The following CNTNAP3B variants were observed in gnomAD, a reference collection of about 807,000 sequenced individuals.
CNTNAP3B encodes the protein contactin-associated protein-like 3B.
In CNTNAP3B, 25 loss-of-function variants were observed where a neutral mutation model predicts 108.9. The observed-to-expected ratio is 0.23, with a 90% CI of 0.17 to 0.32. The LOEUF (loss-of-function observed/expected upper bound fraction) is 0.32. Ranked by LOEUF, CNTNAP3B falls within the 10% of genes least tolerant of loss-of-function variation. The probability of loss-of-function intolerance (pLI) is 1.00; values close to 1 mark genes in which losing one functional copy is unlikely to be tolerated. For synonymous variants in CNTNAP3B, 103 were observed against 473.4 expected (o/e 0.22, Z 10.16); for missense variants, 252 against 1,210.4 (o/e 0.21, Z 11.75).
rs1162979919 is a variant in CNTNAP3B, at chr9:41,934,727, G to A, written c.2237+3517C>T. The stretch of plus-strand genomic sequence containing the variant: ...CTATTCTTTTAGTTTCAACTTCACC[G>A]AGTGCTTATATTTTATCTTTTGTAA... On this transcript the variant is annotated intron_variant, in intron 14 of 23. Transcript: ENST00000377561. 1.1e-4 allele frequency among the ~76,000 whole-genome samples: 17 copies of A among 152,362 alleles called. No homozygotes were observed. The South Asian group carries it at 1.9e-3, about 17-fold the overall frequency.
In CNTNAP3B at chr9:41,991,256, A is replaced by G. The variant is rs972114126; in HGVS notation, c.1333+354T>C. 1.7e-4 allele frequency among the ~76,000 whole-genome samples: 15 copies of G among 90,220 alleles called. 4 individuals are homozygous for G. Among genetic ancestry groups the G allele is most frequent in the African/African-American group, 5.2e-4 (12 of 23,070 alleles). 59.2% of individuals were successfully genotyped at this position (90,220 alleles called of 152,430 possible). A position where few individuals can be genotyped will look rare whatever the true frequency, so the allele number is the denominator to read the frequency against. On this transcript the variant is annotated intron_variant, in intron 8 of 23. Coordinates refer to ENST00000377561, the MANE Select transcript of CNTNAP3B (RefSeq NM_001201380.3). ...CGGCAGGGCGGAGAAGGGAAAGGAGAAGGAGGACAGGAGAGGAATGTGCCT... is the reference window on the plus strand; with the variant it reads ...CGGCAGGGCGGAGAAGGGAAAGGAGGAGGAGGACAGGAGAGGAATGTGCCT...
chr9:41,962,169 T>G lies in CNTNAP3B; in HGVS notation c.1757-1277A>C, dbSNP rs1825118000. Among the ~76,000 whole-genome samples the G allele has an allele frequency of 5.3e-5, 8 of 152,146 alleles. No individual in the cohort carries two copies. The South Asian group carries it at 1.4e-3, about 28-fold the overall frequency. On this transcript the variant is annotated intron_variant, in intron 11 of 23. Transcript: ENST00000377561. The stretch of plus-strand genomic sequence containing the variant: ...TGTATAATTAATTATATACAATGAG[T>G]TATATACAATTAATAATTATATACA...
rs1001748191 is a variant in CNTNAP3B, at chr9:41,919,274, C to A, written c.2995+796G>T. On this transcript the variant is annotated intron_variant, in intron 18 of 23. Coordinates refer to ENST00000377561, the MANE Select transcript of CNTNAP3B (RefSeq NM_001201380.3). Reference sequence around the variant, plus strand: ...CTCAGCCTCCCGAGTAGCTGGGATGCCCTGCTAATTTTTGTATTTTTAGTA... The same window carrying A: ...CTCAGCCTCCCGAGTAGCTGGGATGACCTGCTAATTTTTGTATTTTTAGTA... Among the ~76,000 whole-genome samples the A allele has an allele frequency of 2.0e-5, 3 of 152,140 alleles. No individual in the cohort carries two copies. In the South Asian group the frequency reaches 6.2e-4, roughly 32 times the overall value.
intron 3 of CNTNAP3B, among the ~76,000 whole-genome samples, chr9:42,030,813 G>GATGTGTGC (rs1156882673): frequency 1.5e-5 from 1 of 65,774 alleles, no homozygotes; most frequent in South Asian, 5.8e-4. Context: ...GAGAGAGAGA[G>GATGTGTGC]GAGAGAGAGA....
At chr9:42,097,132 T>A (rs1336762670) in intron 2 of CNTNAP3B, among the ~76,000 whole-genome samples, 1 of 139,962 alleles carries the variant, frequency 7.1e-6, no homozygotes, top group Non-Finnish European at 1.5e-5. Context: ...CTTTCACTCA[T>A]AAAATTCACC....
In CNTNAP3B at chr9:42,110,614, G is replaced by A. The variant is rs1215507927; in HGVS notation, c.86-5875C>T. Among the ~76,000 whole-genome samples, 3 of 137,364 alleles carry A rather than the reference G, an allele frequency of 2.2e-5. 1 individual carries two copies. The highest frequency in any genetic ancestry group is 4.6e-5 in the Non-Finnish European group (3 of 64,548). The allele number at this position is 137,364 out of a possible 152,430, so 90.1% of individuals were successfully genotyped here. On this transcript the variant is annotated intron_variant, in intron 1 of 23. Transcript: ENST00000377561. ...GTCAAATTCACTAACTCCACAGCAG[G>A]CTTCTCTCTGGTTCCACATATTGAG... is the stretch of plus-strand genomic sequence containing the variant.
At chr9:41,929,814 CT>C (rs1304344981) in intron 14 of CNTNAP3B, among the ~76,000 whole-genome samples, 1 of 149,676 alleles carries the variant, frequency 6.7e-6, no homozygotes, top group East Asian at 1.9e-4. Context: ...ATTTTTCAAC[CT>C]TTTAAAAATG....
At chr9:41,940,071 C>A (rs1232181733) in intron 13 of CNTNAP3B, among the ~76,000 whole-genome samples, 1 of 152,294 alleles carries the variant, frequency 6.6e-6, no homozygotes, top group Non-Finnish European at 1.5e-5. Flanking sequence ...TTTATCTAAC[C>A]TGACCAAAAA....
chr9:42,035,751 G>T, intron 3 of CNTNAP3B, among the ~76,000 whole-genome samples: 1 of 150,984 alleles, frequency 6.6e-6, no homozygotes, highest in Non-Finnish European at 1.5e-5. Context: ...TTGAACTCCT[G>T]GGCTTAAGCT....
At chr9:42,082,557 T>TA (rs1463919466) in intron 2 of CNTNAP3B, among the ~76,000 whole-genome samples, 1 of 52,498 alleles carries the variant, frequency 1.9e-5, no homozygotes, top group South Asian at 7.3e-4. Flanking sequence ...TGCTTTAAAG[T>TA]AAAAAAATAC....
intron 2 of CNTNAP3B, among the ~76,000 whole-genome samples, chr9:42,101,853 T>C (rs973750665): frequency 8.4e-6 from 1 of 119,200 alleles, no homozygotes; most frequent in Non-Finnish European, 1.7e-5. Flanking sequence ...GGTCAGGACA[T>C]TGAGACCATC....
intron 11 of CNTNAP3B, among the ~76,000 whole-genome samples, chr9:41,963,745 C>A (rs1230495046): frequency 2.6e-5 from 4 of 151,344 alleles, no homozygotes; most frequent in Admixed American, 6.6e-5. Flanking sequence ...GGAGCCAAGG[C>A]TGTGGAGCCA....
At chr9:41,943,460 C>T (rs1355270648) in intron 13 of CNTNAP3B, among the ~76,000 whole-genome samples, 1 of 150,406 alleles carries the variant, frequency 6.6e-6, no homozygotes, top group Admixed American at 6.7e-5. Flanking sequence ...TCACGCCATT[C>T]TCCTGCCTCA....
In CNTNAP3B at chr9:42,124,034, G is replaced by A. The variant is rs558194092; in HGVS notation, c.85+4976C>T. Among the ~76,000 whole-genome samples the A allele has an allele frequency of 5.7e-3, 761 of 134,126 alleles. 152 individuals are homozygous for A. The highest frequency in any genetic ancestry group is 0.021 in the African/African-American group (707 of 33,102). The allele number at this position is 134,126 out of a possible 152,430, so 88.0% of individuals were successfully genotyped here. A position where few individuals can be genotyped will look rare whatever the true frequency, so the allele number is the denominator to read the frequency against. On this transcript the variant is annotated intron_variant, in intron 1 of 23. Transcript: ENST00000377561. ...AAAAGTAATTCAAACCACAGCCCAG[G>A]CAATACATACTAGACCACGTCTTCT...
chr9:41,947,526 A>T (rs1435875154), intron 13 of CNTNAP3B, among the ~76,000 whole-genome samples: 1 of 152,222 alleles, frequency 6.6e-6, no homozygotes, highest in Non-Finnish European at 1.5e-5. Context: ...AAAATATGTG[A>T]AATGTAGGTA....
chr9:41,921,715 C>A (rs1185759526), intron 17 of CNTNAP3B, among the ~76,000 whole-genome samples: 5 of 152,340 alleles, frequency 3.3e-5, no homozygotes, highest in African/African-American at 9.6e-5. Context: ...AGAGCTATCA[C>A]CTTTAAATAA....
chr9:41,937,026 G>C (rs1342912073), intron 14 of CNTNAP3B, among the ~76,000 whole-genome samples: 1 of 151,726 alleles, frequency 6.6e-6, no homozygotes, highest in Non-Finnish European at 1.5e-5. Context: ...CAATTTTTAG[G>C]AATCAAATTA....
chr9:41,930,086 T>A (rs960374434), intron 14 of CNTNAP3B, among the ~76,000 whole-genome samples: 1 of 152,428 alleles, frequency 6.6e-6, no homozygotes, highest in Non-Finnish European at 1.5e-5. Flanking sequence ...CATTATTTTT[T>A]AAAGTCCTTT....
At chr9:42,036,188 A>ATT (rs1826626369) in intron 3 of CNTNAP3B, among the ~76,000 whole-genome samples, 1 of 148,388 alleles carries the variant, frequency 6.7e-6, no homozygotes, top group African/African-American at 2.5e-5. Context: ...TACAGGCATG[A>ATT]GCAATCCTAA....
Sources: gnomAD v4.1 joint callset for allele counts (sites outside exome capture counted in the v4.1 genomes callset) on GRCh38, gnomAD v4.1.1 for gene constraint, MANE v1.5 for transcripts, NCBI Gene and HGNC (gene_info 2026-07-23, HGNC 2026-07-21) for gene names.